Variants in ANKRA2 observed in about 807,000 individuals in gnomAD.
ANKRA2 encodes the protein ankyrin repeat family A member 2.
In ANKRA2, 33 loss-of-function variants were observed where a neutral mutation model predicts 37.8. That is an observed-to-expected ratio of 0.87 (90% CI 0.66 to 1.17). ANKRA2 has a LOEUF of 1.17. ANKRA2 is among the 50% of genes most tolerant of loss of function. ANKRA2 has a pLI of 0.00. For missense variants in ANKRA2, 326 were observed against 373.7 expected, an observed-to-expected ratio of 0.87 and a Z score of 1.05; for synonymous variants, 126 against 132.3, an observed-to-expected ratio of 0.95 and a Z score of 0.33.
Position 73,562,799 on chromosome 5 carries a change from G to A in ANKRA2, c.83C>T (p.Pro28Leu). The change falls in exon 2 of 9, where the codon CCA becomes CTA. Residue 28 changes from proline (P) to leucine (L), a missense_variant. Pro to Leu is a moderately conservative substitution (Grantham distance 98, BLOSUM62 -3). This residue lies in a region of ANKRA2 where 93 missense variants were observed against 91.1 expected (regional missense o/e 1.02). Coordinates refer to ENST00000296785, the MANE Select transcript of ANKRA2 (RefSeq NM_023039.5). ...CPSTYSLTGM[P>L]DIKIEHPLDP... is the part of the protein sequence containing the mutation. ...CAGTGGATGTTCTATTTTAATGTCT[G>A]GCATGCCAGTTAGGCTATAAGTGCT... 6.2e-7 allele frequency: 1 copy of A among 1,614,130 alleles called. No individual in the cohort carries two copies. Among genetic ancestry groups the A allele is most frequent in the African/African-American group, 1.3e-5 (1 of 75,058 alleles).
chr5:73,555,376 CT>C, intron 5 of ANKRA2, 111 bp downstream of exon 5: 4 of 1,468,206 alleles, frequency 2.7e-6, no homozygotes, highest in Non-Finnish European at 1.8e-6. Context: ...AAGCATTAAA[CT>C]TTTTTTGGTA....
rs1484543048 is a variant in ANKRA2 at position 73,562,903 on chromosome 5, A to G, written c.-22T>C. On this transcript the variant is annotated 5_prime_UTR_variant, in exon 2 of 9. Transcript: ENST00000296785. ...CCATGATTTCAACTGTAGTTTCAAT[A>G]ACTAAAACATTTCTTCATGATTTCC... 8 of 1,566,004 alleles carry G rather than the reference A, an allele frequency of 5.1e-6. No homozygotes were observed. The highest frequency in any genetic ancestry group is 1.4e-5 in the African/African-American group (1 of 73,408).
intron 2 of ANKRA2, 75 bp from the exon 3 acceptor site, chr5:73,561,363 G>A (rs1221304023): frequency 2.9e-6 from 4 of 1,378,520 alleles, no homozygotes; most frequent in Non-Finnish European, 4.0e-6. Flanking sequence ...CATTTGAAAA[G>A]AAATACATGA....
chr5:73,561,699 G>A (rs576515988), intron 2 of ANKRA2, among the ~76,000 whole-genome samples: 9 of 152,120 alleles, frequency 5.9e-5, no homozygotes, highest in Admixed American at 4.6e-4. Flanking sequence ...CCCAGAAGGC[G>A]GAGGTTGCAG....
chr5:73,554,126 A>G (rs778002123), intron 7 of ANKRA2, among the ~76,000 whole-genome samples, 196 bp downstream of exon 7: 95 of 152,284 alleles, frequency 6.2e-4, no homozygotes, highest in Admixed American at 1.1e-3. Context: ...AAAAGGTCCA[A>G]TTGCAGGTGT....
rs2112023849 is a variant in ANKRA2 at position 73,562,708 on chromosome 5, G to A, written c.174C>T (p.Asn58=). 1 of 1,614,082 alleles carries A rather than the reference G, an allele frequency of 6.2e-7. No homozygotes were observed. Among genetic ancestry groups the A allele is most frequent in the Non-Finnish European group, 8.5e-7 (1 of 1,180,010 alleles). ...VAMGMKFILP[N]RFDMNVCSRF... ...GAGAACACACATTCATATCAAATCG[G>A]TTAGGCAATATGAATTTCATTCCCA... The change falls in exon 2 of 9, where the codon AAC becomes AAT. Residue 58 remains asparagine (N), a synonymous_variant. Coordinates refer to ENST00000296785, the MANE Select transcript of ANKRA2 (RefSeq NM_023039.5).
intron 7 of ANKRA2, 100 bp from the exon 8 acceptor site, chr5:73,553,586 G>A: frequency 9.6e-7 from 1 of 1,040,832 alleles, no homozygotes; most frequent in Non-Finnish European, 1.4e-6. Flanking sequence ...TTTTCAGTTT[G>A]GAGAATGTTT....
intron 4 of ANKRA2, among the ~76,000 whole-genome samples, chr5:73,556,843 G>A (rs1747407762): frequency 6.6e-6 from 1 of 151,828 alleles, no homozygotes; most frequent in Non-Finnish European, 1.5e-5. Context: ...ACTCTGAGAT[G>A]CCATTTTTCA....
Position 73,552,825 on chromosome 5 carries a change from A to G in ANKRA2, c.914T>C (p.Leu305Ser), listed in dbSNP as rs1290113060. The G allele has an allele frequency of 6.2e-7, 1 of 1,607,928 alleles. No individual in the cohort carries two copies. The highest frequency in any genetic ancestry group is 1.7e-5 in the Admixed American group (1 of 59,676). Residue 305 changes from leucine to serine, a missense_variant, in exon 9 of 9, where the codon TTG becomes TCG. Physicochemically the swap from Leu to Ser is moderately radical, Grantham distance 145. Coordinates refer to ENST00000296785, the MANE Select transcript of ANKRA2 (RefSeq NM_023039.5). The stretch of plus-strand genomic sequence containing the variant: ...CTCCTTGATATTTTGAAGCAGCTTC[A>G]ACAAATGTGACTCAATAACCTGTTG... ...SVQQVIESHL[L>S]KLLQNIKE
intron 2 of ANKRA2, among the ~76,000 whole-genome samples, chr5:73,561,901 C>T (rs899879721): frequency 6.6e-6 from 1 of 152,252 alleles, no homozygotes; most frequent in East Asian, 1.9e-4. Context: ...AGCATGATGA[C>T]AGACTTCACT....
rs548675712 is a variant in ANKRA2 at position 73,562,866 on chromosome 5, T to C, written c.16A>G (p.Asn6Asp). The change falls in exon 2 of 9, where the codon AAT becomes GAT. Residue 6 changes from asparagine (N) to aspartate (D), a missense_variant. Around this residue, in one of 3 missense-constraint regions of ANKRA2, gnomAD observed 93 missense variants for 91.1 expected, o/e 1.02. Coordinates refer to ENST00000296785, the MANE Select transcript of ANKRA2 (RefSeq NM_023039.5). MDTST[N>D]LDIGAQLIVE... ...ATAAGCTGGGCTCCAATATCCAGAT[T>C]TGTTGATGTATCCATGATTTCAACT... The C allele has an allele frequency of 6.8e-6, 11 of 1,608,328 alleles. No individual in the cohort carries two copies. The highest frequency in any genetic ancestry group is 6.7e-5 in the African/African-American group (5 of 74,866).
At position 73,552,867 on chromosome 5, in the gene ANKRA2, T is replaced by G; in HGVS notation, c.887-15A>C. ...AACCTGTTGAACTAGAACAGATAGG[T>G]AATCAAGATTACAGCACAGTGACTA... On this transcript the variant is annotated splice_polypyrimidine_tract_variant and intron_variant, in intron 8 of 8. Transcript: ENST00000296785. The G allele has an allele frequency of 4.4e-6, 7 of 1,580,198 alleles. No individual in the cohort carries two copies. Among genetic ancestry groups the G allele is most frequent in the Non-Finnish European group, 6.1e-6 (7 of 1,153,674 alleles).
intron 5 of ANKRA2, chr5:73,555,277 A>C: frequency 8.3e-7 from 1 of 1,199,612 alleles, no homozygotes; most frequent in African/African-American, 1.5e-5. Context: ...TGGGATGTAG[A>C]GGGGTCTGGG....
chr5:73,561,770 G>GAA (rs140794196), intron 2 of ANKRA2, among the ~76,000 whole-genome samples: 28 of 146,368 alleles, frequency 1.9e-4, no homozygotes, highest in African/African-American at 5.7e-4. Flanking sequence ...CTGGCTCAAA[G>GAA]AAAAAAAAAA....
chr5:73,557,600 G>A lies in ANKRA2; in HGVS notation c.489C>T (p.Leu163=). 1.9e-6 allele frequency: 3 copies of A among 1,610,590 alleles called. No individual in the cohort carries two copies. Among genetic ancestry groups the A allele is most frequent in the Non-Finnish European group, 2.5e-6 (3 of 1,177,392 alleles). The change falls in exon 4 of 9, where the codon CTC becomes CTT. Residue 163 remains leucine, a synonymous_variant. Coordinates refer to ENST00000296785, the MANE Select transcript of ANKRA2 (RefSeq NM_023039.5). ...CTTGTTCGATACGAGTAGCCAGATA[G>A]AGCATCTCTCCCTGAGCAGCCAACT... ...VHQLAAQGEM[L]YLATRIEQEN... is the part of the protein sequence containing the mutation.
At chr5:73,561,384 C>T in intron 2 of ANKRA2, 96 bp from the exon 3 acceptor site, 1 of 1,151,028 alleles carries the variant, frequency 8.7e-7, no homozygotes, top group Non-Finnish European at 1.2e-6. Context: ...GGTGTAATAG[C>T]TTCAATTAAA....
Position 73,554,397 on chromosome 5 carries a change from T to C in ANKRA2, c.739-9A>G, listed in dbSNP as rs766704724. 1.2e-6 allele frequency: 2 copies of C among 1,603,324 alleles called. No homozygotes were observed. The highest frequency in any genetic ancestry group is 1.7e-6 in the Non-Finnish European group (2 of 1,171,160). On this transcript the variant is annotated splice_polypyrimidine_tract_variant and intron_variant, in intron 6 of 8. Transcript: ENST00000296785. ...AGAGGTGTTCCTCCATTCTGCAAAATGAAAAGGTGATTCAGAGTTTTTCAC... is the reference window on the plus strand; with the variant it reads ...AGAGGTGTTCCTCCATTCTGCAAAACGAAAAGGTGATTCAGAGTTTTTCAC...
chr5:73,562,151 G>A (rs548638489), intron 2 of ANKRA2, among the ~76,000 whole-genome samples: 4 of 152,050 alleles, frequency 2.6e-5, no homozygotes, highest in African/African-American at 9.6e-5. Context: ...CAAGTAGCTG[G>A]GATTACAGGT....
intron 3 of ANKRA2, among the ~76,000 whole-genome samples, chr5:73,559,833 A>T (rs1243494244): frequency 3.9e-5 from 6 of 152,108 alleles, no homozygotes. Context: ...ATCACAGCTC[A>T]CTGCAGCCTT....
Sources: gnomAD v4.1 joint callset for allele counts (sites outside exome capture counted in the v4.1 genomes callset) on GRCh38, gnomAD v4.1.1 for gene constraint, gnomAD v4.1.1 regional missense constraint, MANE v1.5 for transcripts, NCBI Gene and HGNC (gene_info 2026-07-23, HGNC 2026-07-21) for gene names.